Variants in TLE2 observed in about 807,000 individuals in gnomAD.
The protein encoded by TLE2 is TLE family member 2, transcriptional corepressor.
Under a neutral mutation model 97.2 loss-of-function variants are expected in TLE2, and 74 were observed. That is an observed-to-expected ratio of 0.76 (90% CI 0.63 to 0.92). TLE2 has a LOEUF of 0.92. TLE2 is among the 40% of genes least tolerant of loss of function. The pLI is 0.00. For missense variants in TLE2, 1,038 were observed against 1,008.7 expected (o/e 1.03, Z -0.39); for synonymous variants, 499 against 432.1 (o/e 1.15, Z -1.92).
intron 7 of TLE2, among the ~76,000 whole-genome samples, 195 bp from the exon 8 acceptor site, chr19:3,018,054 AG>A (rs1169521963): frequency 6.6e-6 from 1 of 151,336 alleles, no homozygotes; most frequent in African/African-American, 2.4e-5. Context: ...ATGCCCAGAG[AG>A]GGATAGTGAC....
upstream of TLE2, chr19:3,029,558 C>CGGGGA (rs1555694580): frequency 0.017 from 3,796 of 226,762 alleles, 226 homozygotes; most frequent in African/African-American, 0.1. Context: ...ACCGTGGGAG[C>CGGGGA]GGGGGGGGGG....
intron 14 of TLE2, among the ~76,000 whole-genome samples, chr19:3,007,225 T>A: frequency 6.6e-6 from 1 of 152,214 alleles, no homozygotes; most frequent in African/African-American, 2.4e-5. Flanking sequence ...GGAGCTGGGA[T>A]TACAGGTGCA....
At chr19:3,004,163 A>G (rs2089425491) in intron 17 of TLE2, among the ~76,000 whole-genome samples, 1 of 152,168 alleles carries the variant, frequency 6.6e-6, no homozygotes, top group Non-Finnish European at 1.5e-5. Context: ...AGGGCTTCAA[A>G]TGTCCTCTCC....
Position 3,000,579 on chromosome 19 carries a change from CTCTG to C in TLE2, c.2124+64_2124+67del, listed in dbSNP as rs1274322485. The C allele has an allele frequency of 1.4e-5, 20 of 1,441,280 alleles. No homozygotes were observed. In the East Asian group the frequency reaches 3.5e-4, roughly 25 times the overall value. The allele number at this position is 1,441,280 out of a possible 1,614,324, so 89.3% of individuals were successfully genotyped here. A position where few individuals can be genotyped will look rare whatever the true frequency, so the allele number is the denominator to read the frequency against. On this transcript the variant is annotated intron_variant, in intron 19 of 19. Transcript: ENST00000262953. ...TGGGGGACAGGGACAGGGGCAATCT[CTCTG>C]TCTGACCCTGGCATACCCGGGCACA... is the stretch of plus-strand genomic sequence containing the variant.
Position 3,025,062 on chromosome 19 carries a change from C to T in TLE2, c.252G>A (p.Leu84=). The change falls in exon 5 of 20, where the codon CTG becomes CTA. Residue 84 remains leucine (L), a synonymous_variant. Coordinates refer to ENST00000262953, the MANE Select transcript of TLE2 (RefSeq NM_003260.5). The part of the protein sequence containing the change: ...MHKQAEIVKR[L]SGICAQIIPF... ...GGATAATCTGAGCGCAGATACCGCT[C>T]AGACGCTTCACAATCTCCGCCTGGC... The T allele has an allele frequency of 1.9e-6, 3 of 1,605,430 alleles. No homozygotes were observed. Among genetic ancestry groups the T allele is most frequent in the Non-Finnish European group, 2.6e-6 (3 of 1,176,244 alleles).
intron 4 of TLE2, among the ~76,000 whole-genome samples, chr19:3,026,455 TAA>T (rs34783402): frequency 0.18 from 20,490 of 111,176 alleles, 1,590 homozygotes; most frequent in East Asian, 0.34. Context: ...TCTCAAAATT[TAA>T]AAAAAAAAAA....
chr19:3,001,538 G>A (rs189016507), intron 18 of TLE2, among the ~76,000 whole-genome samples: 2 of 151,686 alleles, frequency 1.3e-5, no homozygotes, highest in Admixed American at 6.6e-5. Context: ...CAGGCTGGAG[G>A]GCAGTGATGT....
chr19:3,004,368 G>C (rs538393376), intron 17 of TLE2, among the ~76,000 whole-genome samples: 1 of 151,980 alleles, frequency 6.6e-6, no homozygotes, highest in East Asian at 1.9e-4. Flanking sequence ...GGGCAAGCGC[G>C]GTGGCTCAGG....
At chr19:3,014,653 C>G (rs770606196) in intron 9 of TLE2, 39 bp from the exon 10 acceptor site, 2 of 1,542,734 alleles carry the variant, frequency 1.3e-6, no homozygotes, top group Non-Finnish European at 1.8e-6. Context: ...TGTGGTCATG[C>G]CCCTGCCTCC....
chr19:3,010,386 A>C (rs908233431), intron 12 of TLE2, among the ~76,000 whole-genome samples: 2 of 149,018 alleles, frequency 1.3e-5, no homozygotes, highest in East Asian at 2.0e-4. Flanking sequence ...AAAAAAAAAA[A>C]CAAAACCCAG....
chr19:3,015,368 G>A (rs1355825441), intron 9 of TLE2, among the ~76,000 whole-genome samples: 1 of 152,076 alleles, frequency 6.6e-6, no homozygotes, highest in Admixed American at 6.5e-5. Context: ...AGAAAAATGG[G>A]TTTCTAAAAC....
chr19:3,000,868 C>T, intron 18 of TLE2, 145 bp from the exon 19 acceptor site: 2 of 618,506 alleles, frequency 3.2e-6, no homozygotes, highest in Non-Finnish European at 5.7e-6. Context: ...CTCTGTCACC[C>T]AGGCTGGAGT....
Position 3,019,365 on chromosome 19 carries a change from C to G in TLE2, c.468G>C (p.Leu156=), listed in dbSNP as rs1206282453. 1 of 1,558,168 alleles carries G rather than the reference C, an allele frequency of 6.4e-7. No individual in the cohort carries two copies. Among genetic ancestry groups the G allele is most frequent in the East Asian group, 2.4e-5 (1 of 42,202 alleles). ...GAGCCTGGGCAGCCAGGGCTCCAGA[C>G]AGAGCAAGCAGCCCCGTAGCACTGC... ...VGGSATGLLA[L]SGALAAQAQL... is the part of the protein sequence containing the mutation. The change falls in exon 7 of 20, where the codon CTG becomes CTC. Residue 156 remains leucine, a synonymous_variant. Transcript: ENST00000262953. The surrounding 1 kb of genome is among the most constrained non-coding windows in gnomAD (Gnocchi z 5.1).
rs1178870460 is a variant in TLE2 at position 3,014,586 on chromosome 19, T to C, written c.707A>G (p.Asn236Ser). 5.0e-6 allele frequency: 8 copies of C among 1,589,650 alleles called. No homozygotes were observed. The highest frequency in any genetic ancestry group is 1.7e-4 in the Middle Eastern group (1 of 6,000). The change falls in exon 10 of 20, where the codon AAT becomes AGT. Residue 236 changes from asparagine (N) to serine (S), a missense_variant. Asn to Ser is a conservative substitution (Grantham distance 46). Transcript: ENST00000262953. The stretch of plus-strand genomic sequence containing the variant: ...TGGACTCACCTCGTCCACCACCAGA[T>C]TGTAATCACTCTTGTCTTCGTCGCT... ...YESDEDKSDY[N>S]LVVDEDQPSE...
rs767476049 is a variant in TLE2, at chr19:3,028,307, A to G, written c.186+12T>C. The stretch of plus-strand genomic sequence containing the variant: ...GCCTCTCCCCTCACCCTGGCATCAT[A>G]AGTGCCCTCACCATGACATAATGTC... On this transcript the variant is annotated intron_variant, in intron 3 of 19. Transcript: ENST00000262953. 1 of 1,604,952 alleles carries G rather than the reference A, an allele frequency of 6.2e-7. No homozygotes were observed. The highest frequency in any genetic ancestry group is 1.1e-5 in the South Asian group (1 of 89,362).
Position 2,997,920 on chromosome 19 carries a change from G to A in TLE2, c.2160C>T (p.Ile720=). 6.2e-7 allele frequency: 1 copy of A among 1,613,186 alleles called. No individual in the cohort carries two copies. Residue 720 remains isoleucine (I), a synonymous_variant, in exon 20 of 20, where the codon ATC becomes ATT. Coordinates refer to ENST00000262953, the MANE Select transcript of TLE2 (RefSeq NM_003260.5). ...TCACGATGTATTTGTTATTTCTGGAGATGTCACAACTCAGGACTGAGGACG... is the reference window on the plus strand; with the variant it reads ...TCACGATGTATTTGTTATTTCTGGAAATGTCACAACTCAGGACTGAGGACG... The part of the protein sequence containing the change: ...KESSSVLSCD[I]SRNNKYIVTG...
chr19:3,042,401 A>C (rs1265657246), intron 1 of TLE2, among the ~76,000 whole-genome samples: 1 of 26,246 alleles, frequency 3.8e-5, no homozygotes, highest in Non-Finnish European at 7.1e-5. Context: ...CAACTGCGGG[A>C]GGGGTAAGGG....
At chr19:3,011,277 C>CAA in intron 11 of TLE2, 117 bp from the exon 12 acceptor site, 1 of 1,203,254 alleles carries the variant, frequency 8.3e-7, no homozygotes, top group Non-Finnish European at 1.1e-6. Context: ...CCTGTAATCC[C>CAA]AGCACTTTGG....
intron 1 of TLE2, among the ~76,000 whole-genome samples, chr19:3,034,610 C>A (rs902716): frequency 6.6e-6 from 1 of 151,112 alleles, no homozygotes; most frequent in Admixed American, 6.6e-5. Flanking sequence ...AAGGCCCAAC[C>A]CAAAAACTGT....
Sources: allele counts gnomAD v4.1 joint callset (sites outside exome capture counted in the v4.1 genomes callset), GRCh38; gene constraint gnomAD v4.1.1; non-coding constraint Gnocchi (gnomAD v3.1); transcripts MANE v1.5; gene names NCBI Gene and HGNC (gene_info 2026-07-23, HGNC 2026-07-21).